The following TBC1D8 variants were observed in gnomAD, a reference collection of about 807,000 sequenced individuals.
TBC1D8 encodes the protein TBC1 domain family member 8.
Under a neutral mutation model 118.8 loss-of-function variants are expected in TBC1D8, and 65 were observed. That is an observed-to-expected ratio of 0.55 (90% CI 0.45 to 0.67). The LOEUF is 0.67. Among genes scored for constraint, TBC1D8 ranks in the 30% least tolerant of loss-of-function variants. The pLI is 0.00. For synonymous variants in TBC1D8, 566 were observed against 595.8 expected, an observed-to-expected ratio of 0.95 and a Z score of 0.73; for missense variants, 1,376 against 1,471.2, an observed-to-expected ratio of 0.94 and a Z score of 1.06.
chr2:101,140,909 G>A (rs1391657235), intron 1 of TBC1D8, among the ~76,000 whole-genome samples: 1 of 151,946 alleles, frequency 6.6e-6, no homozygotes. Context: ...TTACAGGGAT[G>A]CGCCACCATG....
chr2:101,038,767 G>A, intron 6 of TBC1D8, 112 bp from the exon 7 acceptor site: 1 of 1,226,850 alleles, frequency 8.2e-7, no homozygotes, highest in Non-Finnish European at 1.2e-6. Flanking sequence ...CTGCAGAAAG[G>A]AGATGATGCA....
rs563493548 is a variant in TBC1D8 at position 101,054,174 on chromosome 2, G to A, written c.565C>T (p.Arg189Cys). Residue 189 changes from arginine to cysteine, a missense_variant, in exon 4 of 20, where the codon CGC becomes TGC. Coordinates refer to ENST00000409318, the MANE Select transcript of TBC1D8 (RefSeq NM_001330348.2). ...ATGCTGAGGTACAGCCAGCCCTGGC[G>A]GGGCACCCTGCCCTTCCAACAGCAG... ...SCCCWKGRVP[R>C]QGWLYLSINH... is the part of the protein sequence containing the mutation. The A allele has an allele frequency of 3.1e-6, 5 of 1,613,528 alleles. No homozygotes were observed. The highest frequency in any genetic ancestry group is 2.2e-5 in the East Asian group (1 of 44,866).
chr2:101,018,932 T>C, intron 17 of TBC1D8: 5 of 1,580,122 alleles, frequency 3.2e-6, no homozygotes, highest in East Asian at 2.3e-5. Flanking sequence ...CCTAATCTTC[T>C]GGAATGCTCT....
In TBC1D8 at chr2:101,029,595, A is replaced by T. The variant is rs1680552437; in HGVS notation, c.2118T>A (p.Asp706Glu). 3 of 1,613,970 alleles carry T rather than the reference A, an allele frequency of 1.9e-6. No homozygotes were observed. Among genetic ancestry groups the T allele is most frequent in the Non-Finnish European group, 1.7e-6 (2 of 1,179,870 alleles). ...CCAGCTGGAAGATGGCTTTGATGCC[A>T]TCATAGAAGAAGCAGTCTACCACAT... ...AVNVVDCFFY[D>E]GIKAIFQLGL... The change falls in exon 12 of 20, where the codon GAT becomes GAA. Residue 706 changes from aspartate (D) to glutamate (E), a missense_variant. Transcript: ENST00000409318.
Position 101,095,077 on chromosome 2 carries a change from T to C in TBC1D8, c.128-4713A>G, listed in dbSNP as rs138443525. On this transcript the variant is annotated intron_variant, in intron 1 of 19. Transcript: ENST00000409318. ...CTCTTGAAAGCCACAGTCTCTAGGG[T>C]ACCCCACAACTTGCATAGGTTTTAA... Among the ~76,000 whole-genome samples the C allele has an allele frequency of 7.2e-5, 11 of 152,100 alleles. No homozygotes were observed. In the East Asian group the frequency reaches 2.1e-3, roughly 30 times the overall value.
chr2:101,090,871 C>T (rs1457101350), intron 1 of TBC1D8, among the ~76,000 whole-genome samples: 1 of 152,238 alleles, frequency 6.6e-6, no homozygotes, highest in Admixed American at 6.5e-5. Flanking sequence ...AGTGCTTAAA[C>T]TATTGCAAGC....
intron 1 of TBC1D8, among the ~76,000 whole-genome samples, chr2:101,108,480 A>G (rs1259631448): frequency 6.6e-6 from 1 of 152,188 alleles, no homozygotes; most frequent in Non-Finnish European, 1.5e-5. Context: ...AAACAAACGT[A>G]TGAGTCTGAT....
At chr2:101,028,780 G>A (rs369162527) in intron 12 of TBC1D8, among the ~76,000 whole-genome samples, 86 of 152,214 alleles carry the variant, frequency 5.6e-4, no homozygotes, top group African/African-American at 2.0e-3. Flanking sequence ...CAGCTCTGGC[G>A]CTCAACCTAG....
chr2:101,017,367 TAG>T (rs1326038104), intron 17 of TBC1D8, among the ~76,000 whole-genome samples: 4 of 152,196 alleles, frequency 2.6e-5, no homozygotes, highest in Non-Finnish European at 4.4e-5. Context: ...TACCCAGTAT[TAG>T]GTGTTACATG....
intron 8 of TBC1D8, among the ~76,000 whole-genome samples, chr2:101,036,690 A>G (rs918016465): frequency 2.6e-5 from 4 of 152,224 alleles, no homozygotes; most frequent in Non-Finnish European, 4.4e-5. Flanking sequence ...TGAGAAAGAT[A>G]CCATTTCTCT....
intron 2 of TBC1D8, among the ~76,000 whole-genome samples, chr2:101,082,258 A>G (rs1675313520): frequency 6.6e-6 from 1 of 152,238 alleles, no homozygotes; most frequent in African/African-American, 2.4e-5. Context: ...GGTAACTCTC[A>G]GCCTACAACA....
intron 2 of TBC1D8, among the ~76,000 whole-genome samples, chr2:101,061,005 T>C (rs1401576178): frequency 1.3e-5 from 2 of 151,762 alleles, no homozygotes; most frequent in African/African-American, 2.4e-5. Flanking sequence ...CTGGCCTACA[T>C]GATAAAACTC....
intron 4 of TBC1D8, among the ~76,000 whole-genome samples, chr2:101,053,020 G>A (rs1258446984): frequency 6.6e-6 from 1 of 152,240 alleles, no homozygotes; most frequent in Non-Finnish European, 1.5e-5. Flanking sequence ...GAAGGAGCTT[G>A]TTCACACAGA....
chr2:101,070,136 T>G (rs948777315), intron 2 of TBC1D8, among the ~76,000 whole-genome samples: 1 of 151,916 alleles, frequency 6.6e-6, no homozygotes, highest in Non-Finnish European at 1.5e-5. Context: ...AGGCTGGTCT[T>G]GAACTCCTGA....
intron 4 of TBC1D8, among the ~76,000 whole-genome samples, chr2:101,051,069 T>A (rs1489095222): frequency 6.6e-6 from 1 of 152,204 alleles, no homozygotes; most frequent in Non-Finnish European, 1.5e-5. Context: ...CCATCCATGT[T>A]CCTGCAAAGG....
chr2:101,125,473 A>C (rs1678309253), intron 1 of TBC1D8, among the ~76,000 whole-genome samples: 1 of 152,194 alleles, frequency 6.6e-6, no homozygotes, highest in Non-Finnish European at 1.5e-5. Flanking sequence ...CACAAAGCAC[A>C]GTATAGTGTA....
intron 1 of TBC1D8, among the ~76,000 whole-genome samples, chr2:101,103,114 A>G (rs1676962502): frequency 6.6e-6 from 1 of 152,128 alleles, no homozygotes; most frequent in Non-Finnish European, 1.5e-5. Context: ...TCAACAAAAT[A>G]TGAGCAAATA....
intron 17 of TBC1D8, among the ~76,000 whole-genome samples, chr2:101,016,931 G>T (rs538535830): frequency 6.6e-6 from 1 of 152,030 alleles, no homozygotes; most frequent in South Asian, 2.1e-4. Flanking sequence ...GTGTGGGGTT[G>T]GGGGGATGGG....
Position 101,008,380 on chromosome 2 carries a change from GAC to G in TBC1D8, c.3016-109_3016-108del, listed in dbSNP as rs970839246. ...GAGAAAACGACACAGTATTTTTGAA[GAC>G]ACAGAATATAAGAAAAGGTAGTCTC... On this transcript the variant is annotated intron_variant, in intron 19 of 19. Coordinates refer to ENST00000409318, the MANE Select transcript of TBC1D8 (RefSeq NM_001330348.2). 5.7e-6 allele frequency: 5 copies of G among 880,500 alleles called. No homozygotes were observed. In the East Asian group the frequency reaches 8.2e-5, roughly 14 times the overall value. 54.5% of individuals were successfully genotyped at this position (880,500 alleles called of 1,614,324 possible).
Sources: gnomAD v4.1 joint callset for allele counts (sites outside exome capture counted in the v4.1 genomes callset) on GRCh38, gnomAD v4.1.1 for gene constraint, MANE v1.5 for transcripts, NCBI Gene and HGNC (gene_info 2026-07-23, HGNC 2026-07-21) for gene names.